AFF3: variants seen among roughly 807,000 people sequenced by gnomAD.
AFF3 encodes ALF transcription elongation factor 3, also known as AF4/FMR2 family member 3.
In AFF3, 32 loss-of-function variants were observed where a neutral mutation model predicts 129.7. That is an observed-to-expected ratio of 0.25 (90% CI 0.19 to 0.33). AFF3 has a LOEUF of 0.33. Among genes scored for constraint, AFF3 ranks in the 10% least tolerant of loss-of-function variants. The pLI is 1.00. For missense variants in AFF3, 1,373 were observed against 1,592.0 expected (o/e 0.86, Z 2.34); for synonymous variants, 644 against 635.4 (o/e 1.01, Z -0.20).
intron 8 of AFF3, among the ~76,000 whole-genome samples, chr2:99,819,095 C>T (rs1473148253): frequency 1.3e-5 from 2 of 152,176 alleles, no homozygotes; most frequent in Admixed American, 6.5e-5. Context: ...AACAGTTGAA[C>T]AAAAAGTATA....
At chr2:99,896,347 C>T (rs1347901635) in intron 7 of AFF3, among the ~76,000 whole-genome samples, 1 of 152,050 alleles carries the variant, frequency 6.6e-6, no homozygotes, top group Non-Finnish European at 1.5e-5. Context: ...TCTAAAGACT[C>T]ACCTGTGATC....
At chr2:99,710,476 C>T (rs1190646344) in intron 11 of AFF3, among the ~76,000 whole-genome samples, 6 of 152,034 alleles carry the variant, frequency 3.9e-5, no homozygotes, top group Non-Finnish European at 1.5e-5. Context: ...AAGTTGGTCT[C>T]GAACTCCTGA....
At position 99,982,907 on chromosome 2, in the gene AFF3, T is replaced by C. The variant is rs181082204; in HGVS notation, c.873+23725A>G. Among the ~76,000 whole-genome samples, 561 of 152,328 alleles carry C rather than the reference T, an allele frequency of 3.7e-3. 4 individuals carry two copies. The highest frequency in any genetic ancestry group is 0.013 in the African/African-American group (530 of 41,562). On this transcript the variant is annotated intron_variant, in intron 7 of 24. Coordinates refer to ENST00000672756, the MANE Select transcript of AFF3 (RefSeq NM_001386135.1). ...GCTTTATGACTTAGGTTCGCTCACC[T>C]ATAATGACCCAGGTAATTGCCATAT...
Position 99,550,261 on chromosome 2 carries a change from C to G in AFF3, c.*1213G>C. On this transcript the variant is annotated 3_prime_UTR_variant, in exon 25 of 25. Coordinates refer to ENST00000672756, the MANE Select transcript of AFF3 (RefSeq NM_001386135.1). ...CAGACACACAGGACACAGGAAGAGG[C>G]TCTGGTTGCTGCTGCCCCAGAAAGG... 4.3e-6 allele frequency: 1 copy of G among 231,246 alleles called. No homozygotes were observed. Among genetic ancestry groups the G allele is most frequent in the Non-Finnish European group, 8.6e-6 (1 of 116,800 alleles). The allele number at this position is 231,246 out of a possible 1,614,324, so 14.3% of individuals were successfully genotyped here.
chr2:99,691,288 T>C (rs1675628960), intron 11 of AFF3, among the ~76,000 whole-genome samples: 1 of 152,072 alleles, frequency 6.6e-6, no homozygotes, highest in Non-Finnish European at 1.5e-5. Flanking sequence ...ATACTTAGAG[T>C]CTCATTTGTT....
Position 99,549,900 on chromosome 2 carries a change from C to T in AFF3, c.*1574G>A. 4.5e-6 allele frequency: 1 copy of T among 222,146 alleles called. No individual in the cohort carries two copies. Among genetic ancestry groups the T allele is most frequent in the South Asian group, 1.8e-4 (1 of 5,428 alleles). The allele number at this position is 222,146 out of a possible 1,614,324, so 13.8% of individuals were successfully genotyped here. ...CAGCATCTAGTCTAAGTATTTTGTG[C>T]CGTCATCACCTTGAAAAAATGGATT... On this transcript the variant is annotated 3_prime_UTR_variant, in exon 25 of 25. Transcript: ENST00000672756.
intron 2 of AFF3, among the ~76,000 whole-genome samples, chr2:100,122,980 A>G (rs1214500212): frequency 6.6e-6 from 1 of 152,248 alleles, no homozygotes; most frequent in African/African-American, 2.4e-5. Context: ...GTAGATGATC[A>G]ATAAATGCTT....
intron 7 of AFF3, among the ~76,000 whole-genome samples, chr2:99,937,600 T>C (rs1459375169): frequency 3.3e-5 from 5 of 152,138 alleles, no homozygotes; most frequent in Non-Finnish European, 7.4e-5. Context: ...GGTTTTACCA[T>C]ATTGACCAGG....
intron 4 of AFF3, among the ~76,000 whole-genome samples, chr2:100,066,263 T>C (rs951823277): frequency 1.3e-5 from 2 of 152,242 alleles, no homozygotes; most frequent in African/African-American, 4.8e-5. Flanking sequence ...AGCTGAATTC[T>C]AAAACTTCCA....
At chr2:99,862,964 T>C (rs967313425) in intron 7 of AFF3, among the ~76,000 whole-genome samples, 3 of 152,250 alleles carry the variant, frequency 2.0e-5, no homozygotes, top group Non-Finnish European at 2.9e-5. Context: ...ATTATAAAGA[T>C]TTTTTATTAA....
At chr2:100,067,583 C>T (rs1366675483) in intron 4 of AFF3, among the ~76,000 whole-genome samples, 1 of 152,130 alleles carries the variant, frequency 6.6e-6, no homozygotes, top group Non-Finnish European at 1.5e-5. Context: ...AGTCTAAATT[C>T]CATTGATAAG....
intron 11 of AFF3, among the ~76,000 whole-genome samples, chr2:99,688,548 T>C (rs908097639): frequency 6.6e-6 from 1 of 152,358 alleles, no homozygotes; most frequent in African/African-American, 2.4e-5. Context: ...CTCTGATTTA[T>C]GTGACATTTC....
chr2:100,007,055 G>C lies in AFF3; in HGVS notation c.488-38C>G, dbSNP rs935173910. ...AAGAAGAAGAGGAAGATAAGGATGA[G>C]GGGGGTCGACACATAGGGATTTTCT... On this transcript the variant is annotated intron_variant, in intron 6 of 24. Coordinates refer to ENST00000672756, the MANE Select transcript of AFF3 (RefSeq NM_001386135.1). The C allele has an allele frequency of 1.5e-5, 24 of 1,591,148 alleles. No individual in the cohort carries two copies. In the Middle Eastern group the frequency reaches 5.1e-4, roughly 34 times the overall value.
intron 20 of AFF3, among the ~76,000 whole-genome samples, chr2:99,565,156 T>A (rs546734096): frequency 1.4e-5 from 2 of 141,782 alleles, no homozygotes; most frequent in Non-Finnish European, 3.1e-5. Context: ...CTGAACCAGA[T>A]TTTTTTTTTT....
Position 99,688,864 on chromosome 2 carries a change from C to T in AFF3, c.1092-16275G>A, listed in dbSNP as rs904111759. Among the ~76,000 whole-genome samples the T allele has an allele frequency of 8.5e-5, 13 of 152,166 alleles. No homozygotes were observed. In the East Asian group the frequency reaches 1.2e-3, roughly 14 times the overall value. On this transcript the variant is annotated intron_variant, in intron 11 of 24. Coordinates refer to ENST00000672756, the MANE Select transcript of AFF3 (RefSeq NM_001386135.1). The stretch of plus-strand genomic sequence containing the variant: ...CATCTTCAGCATCTAGGAAAATGCC[C>T]GGCATGCAATCACCACACAATACAT...
rs559937237 is a variant in AFF3 at position 99,848,342 on chromosome 2, A to C, written c.874-10818T>G. Among the ~76,000 whole-genome samples the C allele has an allele frequency of 2.6e-5, 4 of 152,320 alleles. No homozygotes were observed. In the South Asian group the frequency reaches 8.3e-4, roughly 32 times the overall value. On this transcript the variant is annotated intron_variant, in intron 7 of 24. Transcript: ENST00000672756. ...AATATGCTGAGATTATTCTGGCATG[A>C]TTCTATCTGGACAGAATGCAGATAT...
At chr2:99,842,157 C>G (rs545266749) in intron 7 of AFF3, among the ~76,000 whole-genome samples, 7 of 152,006 alleles carry the variant, frequency 4.6e-5, no homozygotes, top group Non-Finnish European at 8.8e-5. Flanking sequence ...TTATCTTTTC[C>G]AAATTACAGA....
chr2:99,655,750 A>T (rs1325525853), intron 12 of AFF3, among the ~76,000 whole-genome samples: 1 of 152,216 alleles, frequency 6.6e-6, no homozygotes. Context: ...AATTAAAAAA[A>T]ATAGTACGGA....
intron 12 of AFF3, among the ~76,000 whole-genome samples, chr2:99,672,257 A>G (rs1419274275): frequency 6.6e-6 from 1 of 151,676 alleles, no homozygotes; most frequent in Non-Finnish European, 1.5e-5. Flanking sequence ...AGAAAAAAAA[A>G]AGGCTCTGTC....
Sources: gnomAD v4.1 joint callset for allele counts (sites outside exome capture counted in the v4.1 genomes callset) on GRCh38, gnomAD v4.1.1 for gene constraint, MANE v1.5 for transcripts, NCBI Gene and HGNC (gene_info 2026-07-23, HGNC 2026-07-21) for gene names.